Variants in MICU2 observed in about 807,000 individuals in gnomAD.
The protein encoded by MICU2 is mitochondrial calcium uptake 2, also known as calcium uptake protein 2, mitochondrial.
Under a neutral mutation model 60.4 loss-of-function variants are expected in MICU2, and 64 were observed. That is an observed-to-expected ratio of 1.06 (90% confidence interval 0.87 to 1.31). The LOEUF (loss-of-function observed/expected upper bound fraction) is 1.31. Among genes scored for constraint, MICU2 ranks in the 50% most tolerant of loss-of-function variants. MICU2 has a pLI of 0.00. For missense variants in MICU2, 569 were observed against 531.0 expected (o/e 1.07, Z -0.70); for synonymous variants, 201 against 175.0 (o/e 1.15, Z -1.17).
At chr13:21,518,315 C>G (rs1886632406) in intron 6 of MICU2, among the ~76,000 whole-genome samples, 3 of 152,134 alleles carry the variant, frequency 2.0e-5, no homozygotes. Flanking sequence ...CAACGATATG[C>G]CTTCTATTGC....
intron 1 of MICU2, among the ~76,000 whole-genome samples, chr13:21,595,647 T>C (rs1888676617): frequency 6.6e-6 from 1 of 152,258 alleles, no homozygotes; most frequent in Admixed American, 6.5e-5. Context: ...GTCAATACTG[T>C]ACTCTAGTTC....
At chr13:21,553,787 G>A (rs1195701051) in intron 2 of MICU2, among the ~76,000 whole-genome samples, 3 of 151,162 alleles carry the variant, frequency 2.0e-5, no homozygotes, top group East Asian at 3.9e-4. Flanking sequence ...CAGGAAACCC[G>A]TCTCACATGC....
At chr13:21,599,652 G>A (rs1024932612) in intron 1 of MICU2, among the ~76,000 whole-genome samples, 8 of 152,254 alleles carry the variant, frequency 5.3e-5, no homozygotes, top group South Asian at 2.1e-4. Context: ...AATGTCTTTT[G>A]AATTCATCCA....
chr13:21,535,262 C>G (rs1312715457), intron 4 of MICU2, among the ~76,000 whole-genome samples: 1 of 152,116 alleles, frequency 6.6e-6, no homozygotes, highest in African/African-American at 2.4e-5. Context: ...TACTCTGGCT[C>G]TCATATTCTG....
rs2138030743 is a variant in MICU2, at chr13:21,559,894, T to C, written c.358+6903A>G. On this transcript the variant is annotated intron_variant, in intron 2 of 11. Transcript: ENST00000382374. ...AAATCTTTGCTGATCTACATTCTCTTCAACTTTTGTCTTTAACAAAATTAA... is the reference window on the plus strand; with the variant it reads ...AAATCTTTGCTGATCTACATTCTCTCCAACTTTTGTCTTTAACAAAATTAA... 1.3e-5 allele frequency among the ~76,000 whole-genome samples: 2 copies of C among 152,340 alleles called. 1 individual carries two copies. The highest frequency in any genetic ancestry group is 4.8e-5 in the African/African-American group (2 of 41,578).
intron 1 of MICU2, among the ~76,000 whole-genome samples, chr13:21,595,455 T>C (rs1420907589): frequency 6.6e-6 from 1 of 152,266 alleles, no homozygotes; most frequent in Non-Finnish European, 1.5e-5. Context: ...TGACTTCAGC[T>C]GCACCTTCAG....
chr13:21,517,111 T>C (rs28589812), intron 6 of MICU2, among the ~76,000 whole-genome samples: 2 of 152,198 alleles, frequency 1.3e-5, no homozygotes, highest in Non-Finnish European at 2.9e-5. Context: ...TACGAGTTCT[T>C]GGGATAAAGA....
chr13:21,601,033 T>G (rs1284242760), intron 1 of MICU2, among the ~76,000 whole-genome samples: 4 of 152,208 alleles, frequency 2.6e-5, no homozygotes, highest in Non-Finnish European at 4.4e-5. Flanking sequence ...CCTGACCTCG[T>G]GATCCGCCCA....
At chr13:21,585,512 T>TA (rs1888436744) in intron 1 of MICU2, among the ~76,000 whole-genome samples, 1 of 152,230 alleles carries the variant, frequency 6.6e-6, no homozygotes, top group African/African-American at 2.4e-5. Flanking sequence ...TACCTACTGT[T>TA]AATGTCCTAT....
At position 21,562,632 on chromosome 13, in the gene MICU2, C is replaced by T. The variant is rs533149172; in HGVS notation, c.358+4165G>A. Reference sequence around the variant, plus strand: ...ACTTTCAAATAACACTATACCACTTCGTGGGTGGTACAAGTATCTTATAAC... The same window carrying T: ...ACTTTCAAATAACACTATACCACTTTGTGGGTGGTACAAGTATCTTATAAC... On this transcript the variant is annotated intron_variant, in intron 2 of 11. Transcript: ENST00000382374. 1.5e-3 allele frequency among the ~76,000 whole-genome samples: 223 copies of T among 152,270 alleles called. 2 individuals are homozygous for T. Among genetic ancestry groups the T allele is most frequent in the South Asian group, 0.012 (58 of 4,816 alleles).
intron 2 of MICU2, among the ~76,000 whole-genome samples, chr13:21,556,932 T>G (rs1887722690): frequency 6.6e-6 from 1 of 152,190 alleles, no homozygotes. Flanking sequence ...GGCTCCGATC[T>G]GCACAATCAC....
intron 8 of MICU2, among the ~76,000 whole-genome samples, chr13:21,504,824 GGTAGA>G (rs1593315483): frequency 6.6e-6 from 1 of 151,970 alleles, no homozygotes; most frequent in Admixed American, 6.5e-5. Context: ...ACATTGGCAT[GGTAGA>G]GTATTTATTT....
At chr13:21,599,043 C>T (rs1041020) in intron 1 of MICU2, among the ~76,000 whole-genome samples, 35,435 of 151,996 alleles carry the variant, frequency 0.23, 5,036 homozygotes, top group East Asian at 0.65. Flanking sequence ...GCAAAACCTA[C>T]TGTGAACTGT....
rs112480927 is a variant in MICU2 at position 21,493,739 on chromosome 13, A to C, written c.1201-386T>G. On this transcript the variant is annotated intron_variant, in intron 11 of 11. Transcript: ENST00000382374. ...TGGTGAACTTTGTTTAGCTATGTAG[A>C]ATACAATTATAAGCCTAAAGCTTTG... 9.1e-3 allele frequency among the ~76,000 whole-genome samples: 1,382 copies of C among 152,106 alleles called. 20 individuals carry two copies. The highest frequency in any genetic ancestry group is 0.032 in the African/African-American group (1,329 of 41,482).
intron 10 of MICU2, 58 bp downstream of exon 10, chr13:21,495,994 G>A: frequency 8.2e-7 from 1 of 1,221,774 alleles, no homozygotes; most frequent in South Asian, 1.4e-5. Context: ...TTTAGTTGAA[G>A]AATATAGTAA....
At chr13:21,513,350 A>C (rs1886479510) in intron 7 of MICU2, among the ~76,000 whole-genome samples, 1 of 152,132 alleles carries the variant, frequency 6.6e-6, no homozygotes, top group South Asian at 2.1e-4. Flanking sequence ...TCAGTCTTTC[A>C]TCAATAAGTA....
intron 1 of MICU2, among the ~76,000 whole-genome samples, chr13:21,587,630 C>A (rs868856265): frequency 1.3e-5 from 2 of 152,140 alleles, no homozygotes; most frequent in Non-Finnish European, 2.9e-5. Flanking sequence ...GATTATAGAT[C>A]GGAGGAAAAG....
intron 2 of MICU2, among the ~76,000 whole-genome samples, chr13:21,564,036 T>C (rs537260920): frequency 9.8e-5 from 15 of 152,350 alleles, no homozygotes; most frequent in Non-Finnish European, 2.1e-4. Context: ...TGGTTTGTTC[T>C]AAGAATTTCT....
intron 1 of MICU2, among the ~76,000 whole-genome samples, chr13:21,584,217 G>A (rs563206891): frequency 2.6e-4 from 39 of 151,816 alleles, no homozygotes; most frequent in South Asian, 1.5e-3. Flanking sequence ...GTGAAACCCC[G>A]TCTCTACTAA....
Sources: gnomAD v4.1 joint callset for allele counts (sites outside exome capture counted in the v4.1 genomes callset) on GRCh38, gnomAD v4.1.1 for gene constraint, MANE v1.5 for transcripts, NCBI Gene and HGNC (gene_info 2026-07-23, HGNC 2026-07-21) for gene names.